Variants in EPHA7 observed in about 807,000 individuals in gnomAD.
The protein encoded by EPHA7 is EPH receptor A7.
Under a neutral mutation model 112.6 loss-of-function variants are expected in EPHA7, and 25 were observed. That is an observed-to-expected ratio of 0.22 (90% confidence interval 0.16 to 0.31). The LOEUF (loss-of-function observed/expected upper bound fraction) is 0.31. EPHA7 is among the 10% of genes least tolerant of loss of function. The probability of loss-of-function intolerance (pLI) is 1.00; values close to 1 mark genes in which losing one functional copy is unlikely to be tolerated. For missense variants in EPHA7, 962 were observed against 1,212.6 expected (o/e 0.79, Z 3.07); for synonymous variants, 437 against 406.5 (o/e 1.07, Z -0.90).
In EPHA7 at chr6:93,410,375, A is replaced by ACGGT; in HGVS notation, c.832+125_832+126insACCG. On this transcript the variant is annotated intron_variant, in intron 3 of 16. Coordinates refer to ENST00000369303, the MANE Select transcript of EPHA7 (RefSeq NM_004440.4). This position sits in a 1 kb window ranked among gnomAD's most constrained non-coding sequence, Gnocchi z 4.0. ...CTAAGTTCAACGGTGACTTTGTTTA[A>ACGGT]GATCTACTGAATTGCGCTTCTGGTA... The ACGGT allele has an allele frequency of 1.2e-6, 1 of 830,330 alleles. No individual in the cohort carries two copies. The highest frequency in any genetic ancestry group is 1.7e-5 in the South Asian group (1 of 57,948). 51.4% of individuals were successfully genotyped at this position (830,330 alleles called of 1,614,324 possible). A position where few individuals can be genotyped will look rare whatever the true frequency, so the allele number is the denominator to read the frequency against.
At chr6:93,335,665 A>C (rs533736466) in intron 5 of EPHA7, among the ~76,000 whole-genome samples, 1 of 151,748 alleles carries the variant, frequency 6.6e-6, no homozygotes, top group Non-Finnish European at 1.5e-5. Flanking sequence ...TTTTTTTTTT[A>C]AATTTTTAAT....
intron 4 of EPHA7, 50 bp downstream of exon 4, chr6:93,358,206 A>G (rs1375283854): frequency 2.1e-6 from 3 of 1,447,218 alleles, no homozygotes; most frequent in Non-Finnish European, 2.8e-6. Context: ...ACAACAGTAC[A>G]AATGAGTGGA....
intron 3 of EPHA7, among the ~76,000 whole-genome samples, chr6:93,361,505 C>T (rs557668951): frequency 1.3e-5 from 2 of 151,966 alleles, no homozygotes; most frequent in East Asian, 1.9e-4. Flanking sequence ...GAGTTAAATA[C>T]TCAATGAGAT....
rs759705412 is a variant in EPHA7 at position 93,414,760 on chromosome 6, CAGT to C, written c.102_104del (p.Leu36del). On this transcript the variant is annotated inframe_deletion, in exon 2 of 17. Transcript: ENST00000369303. ...CTGTTTGTTGTGCTTTAGAATCCAGCAGTAGTACTGAAAAAGAAAGTTGTATTT... is the reference window on the plus strand; with the variant it reads ...CTGTTTGTTGTGCTTTAGAATCCAGCAGTACTGAAAAAGAAAGTTGTATTT... 8 of 1,612,168 alleles carry C rather than the reference CAGT, an allele frequency of 5.0e-6. No individual in the cohort carries two copies. The highest frequency in any genetic ancestry group is 6.8e-6 in the Non-Finnish European group (8 of 1,178,926).
intron 5 of EPHA7, among the ~76,000 whole-genome samples, chr6:93,290,094 C>T (rs1000966255): frequency 6.6e-6 from 1 of 151,754 alleles, no homozygotes; most frequent in Non-Finnish European, 1.5e-5. Flanking sequence ...CAAGAGTTTC[C>T]TTTTAAACTT....
rs575540630 is a variant in EPHA7 at position 93,251,210 on chromosome 6, A to T, written c.2532+3437T>A. On this transcript the variant is annotated intron_variant, in intron 14 of 16. Transcript: ENST00000369303. ...AACATCATAATTTTGCTTCTATATT[A>T]ACATGAAAAAATATAAAGTCATAAA... Among the ~76,000 whole-genome samples, 148 of 152,172 alleles carry T rather than the reference A, an allele frequency of 9.7e-4. 2 individuals are homozygous for T. The highest frequency in any genetic ancestry group is 5.7e-4 in the Non-Finnish European group (39 of 67,934).
chr6:93,274,643 T>A (rs1771384124), intron 5 of EPHA7, among the ~76,000 whole-genome samples: 1 of 151,870 alleles, frequency 6.6e-6, no homozygotes. Flanking sequence ...TTTTCTTGTA[T>A]CCCTTGCTGA....
chr6:93,306,416 G>T (rs1773261141), intron 5 of EPHA7, among the ~76,000 whole-genome samples: 1 of 151,950 alleles, frequency 6.6e-6, no homozygotes, highest in Admixed American at 6.6e-5. Context: ...TATCCAAATG[G>T]ATTAATTAAA....
At chr6:93,262,246 C>T (rs61145076) in intron 9 of EPHA7, among the ~76,000 whole-genome samples, 15,775 of 151,264 alleles carry the variant, frequency 0.1, 1,095 homozygotes, top group Non-Finnish European at 0.15. Flanking sequence ...AAAAGGTAAC[C>T]TCCACTTTTT....
intron 5 of EPHA7, among the ~76,000 whole-genome samples, chr6:93,297,078 A>G (rs1048430557): frequency 1.3e-5 from 2 of 152,006 alleles, no homozygotes; most frequent in Non-Finnish European, 2.9e-5. Flanking sequence ...TATATAAAAT[A>G]TAATTTACTT....
intron 3 of EPHA7, among the ~76,000 whole-genome samples, chr6:93,408,737 A>T (rs1442867981): frequency 6.6e-6 from 1 of 152,052 alleles, no homozygotes; most frequent in Non-Finnish European, 1.5e-5. Flanking sequence ...GAAGTATTTA[A>T]CTCTTTGAAT....
intron 3 of EPHA7, among the ~76,000 whole-genome samples, chr6:93,393,851 CTT>C (rs1778028178): frequency 6.6e-6 from 1 of 151,728 alleles, no homozygotes; most frequent in Non-Finnish European, 1.5e-5. Flanking sequence ...TATGGAAACT[CTT>C]TGAATGAGGT....
chr6:93,382,426 A>G (rs757871642), intron 3 of EPHA7, among the ~76,000 whole-genome samples: 75 of 152,178 alleles, frequency 4.9e-4, no homozygotes, highest in Non-Finnish European at 9.0e-4. Flanking sequence ...CGCAGGTGGT[A>G]ATGAACCTGC....
rs185411784 is a variant in EPHA7, at chr6:93,356,004, T to C, written c.1324+713A>G. On this transcript the variant is annotated intron_variant, in intron 5 of 16. Transcript: ENST00000369303. Reference sequence around the variant, plus strand: ...ATAGTCTATGTAGTAAAAAATTGGGTAACATTATGTGAGACAATGAAGCCA... The same window carrying C: ...ATAGTCTATGTAGTAAAAAATTGGGCAACATTATGTGAGACAATGAAGCCA... Among the ~76,000 whole-genome samples, 330 of 152,292 alleles carry C rather than the reference T, an allele frequency of 2.2e-3. 4 individuals are homozygous for C. Among genetic ancestry groups the C allele is most frequent in the African/African-American group, 7.7e-3 (320 of 41,568 alleles).
intron 3 of EPHA7, among the ~76,000 whole-genome samples, chr6:93,379,734 G>T (rs1028966558): frequency 2.4e-4 from 37 of 151,836 alleles, no homozygotes; most frequent in Admixed American, 1.4e-3. Context: ...GGAAATAAAA[G>T]CGTTCTTGAA....
intron 9 of EPHA7, among the ~76,000 whole-genome samples, 153 bp downstream of exon 9, chr6:93,263,707 C>A (rs915428018): frequency 6.6e-6 from 1 of 151,408 alleles, no homozygotes; most frequent in African/African-American, 2.4e-5. Context: ...GATTTTAATT[C>A]TAAACATCTG....
chr6:93,277,116 G>A (rs769511124), intron 5 of EPHA7, among the ~76,000 whole-genome samples: 4 of 152,012 alleles, frequency 2.6e-5, no homozygotes, highest in African/African-American at 4.8e-5. Context: ...TTCATGGAAC[G>A]CTTTTCCTAT....
At chr6:93,330,321 G>A (rs1470134952) in intron 5 of EPHA7, among the ~76,000 whole-genome samples, 1 of 151,086 alleles carries the variant, frequency 6.6e-6, no homozygotes, top group Non-Finnish European at 1.5e-5. Context: ...CTCTCTTCTA[G>A]CTATTTGAAA....
At chr6:93,297,686 C>T (rs1268692459) in intron 5 of EPHA7, among the ~76,000 whole-genome samples, 1 of 152,072 alleles carries the variant, frequency 6.6e-6, no homozygotes, top group Non-Finnish European at 1.5e-5. Context: ...CATACACAAC[C>T]TTGTCAGCAA....
Sources: gnomAD v4.1 joint callset for allele counts (sites outside exome capture counted in the v4.1 genomes callset) on GRCh38, gnomAD v4.1.1 for gene constraint, Gnocchi (gnomAD v3.1) non-coding constraint, MANE v1.5 for transcripts, NCBI Gene and HGNC (gene_info 2026-07-23, HGNC 2026-07-21) for gene names.